Variants in RNF170 observed in about 807,000 individuals in gnomAD.
The protein encoded by RNF170 is E3 ubiquitin-protein ligase RNF170.
RNF170 carries 12 observed loss-of-function variants against 32.7 expected under a neutral mutation model. That is an observed-to-expected ratio of 0.37 (90% confidence interval 0.24 to 0.60). The LOEUF (loss-of-function observed/expected upper bound fraction) is 0.60. Ranked by LOEUF, RNF170 falls within the 20% of genes least tolerant of loss-of-function variation. The pLI, the probability that RNF170 is intolerant of heterozygous loss-of-function variation, is 0.72. For synonymous variants in RNF170, 91 were observed against 103.6 expected (o/e 0.88, Z 0.74); for missense variants, 212 against 311.2 (o/e 0.68, Z 2.40).
rs766123649 is a variant in RNF170 at position 42,853,515 on chromosome 8, C to G, written c.*2644G>C. ...CCACTGTTCTAGTGGGCAGTTAGAACAGTTGTTTTCCCCGTCTTGTTCCCC... is the reference window on the plus strand; with the variant it reads ...CCACTGTTCTAGTGGGCAGTTAGAAGAGTTGTTTTCCCCGTCTTGTTCCCC... On this transcript the variant is annotated 3_prime_UTR_variant, in exon 7 of 7. Coordinates refer to ENST00000527424, the MANE Select transcript of RNF170 (RefSeq NM_030954.4). 4 of 1,287,016 alleles carry G rather than the reference C, an allele frequency of 3.1e-6. 1 individual carries two copies. The highest frequency in any genetic ancestry group is 5.5e-5 in the East Asian group (1 of 18,028). 79.7% of individuals were successfully genotyped at this position (1,287,016 alleles called of 1,614,324 possible). A position where few individuals can be genotyped will look rare whatever the true frequency, so the allele number is the denominator to read the frequency against.
rs1803052582 is a variant in RNF170 at position 42,854,007 on chromosome 8, A to G, written c.*2152T>C. On this transcript the variant is annotated 3_prime_UTR_variant, in exon 7 of 7. Transcript: ENST00000527424. ...AATGACATCACCATTCCCCCACACC[A>G]AATGTGTAATTGGTAGGAAATGCAT... 7.8e-7 allele frequency: 1 copy of G among 1,287,192 alleles called. No homozygotes were observed. The highest frequency in any genetic ancestry group is 5.5e-5 in the East Asian group (1 of 18,024). 79.7% of individuals were successfully genotyped at this position (1,287,192 alleles called of 1,614,324 possible). A position where few individuals can be genotyped will look rare whatever the true frequency, so the allele number is the denominator to read the frequency against.
chr8:42,873,478 A>T (rs1165199207), intron 3 of RNF170, among the ~76,000 whole-genome samples: 1 of 152,154 alleles, frequency 6.6e-6, no homozygotes, highest in African/African-American at 2.4e-5. Context: ...AACAAACAGG[A>T]GAAAAGTTAG....
At chr8:42,894,087 C>G (rs766073593) in intron 1 of RNF170, among the ~76,000 whole-genome samples, 31 of 152,196 alleles carry the variant, frequency 2.0e-4, no homozygotes, top group Non-Finnish European at 3.8e-4. Flanking sequence ...CCAAGGCTTA[C>G]GTAGAAACTC....
intron 3 of RNF170, among the ~76,000 whole-genome samples, chr8:42,873,515 T>G (rs758526819): frequency 2.0e-5 from 3 of 152,094 alleles, no homozygotes; most frequent in Non-Finnish European, 2.9e-5. Flanking sequence ...ACTAGTTTTG[T>G]TGTTATAACT....
Position 42,853,682 on chromosome 8 carries a change from T to C in RNF170, c.*2477A>G, listed in dbSNP as rs1209256564. The stretch of plus-strand genomic sequence containing the variant: ...CTGAATCACGGAAGTATTACTATGA[T>C]GTTCAAAACTCTGATTGACTCTACT... On this transcript the variant is annotated 3_prime_UTR_variant, in exon 7 of 7. Transcript: ENST00000527424. The C allele has an allele frequency of 7.8e-7, 1 of 1,286,874 alleles. No individual in the cohort carries two copies. Among genetic ancestry groups the C allele is most frequent in the African/African-American group, 1.5e-5 (1 of 65,802 alleles). The allele number at this position is 1,286,874 out of a possible 1,614,324, so 79.7% of individuals were successfully genotyped here.
downstream of RNF170, chr8:42,850,078 G>C (rs866536739): frequency 2.0e-5 from 3 of 153,642 alleles, no homozygotes; most frequent in African/African-American, 7.2e-5. Context: ...GAGGATGCCC[G>C]GCGGAGGAGC....
Position 42,872,455 on chromosome 8 carries a change from T to C in RNF170, c.213+1476A>G, listed in dbSNP as rs534826532. On this transcript the variant is annotated intron_variant, in intron 3 of 6. Transcript: ENST00000527424. ...ACTAATAGGCTTAAACTATTCTGTC[T>C]TTTTTAGACGGAGTCTCACTCTCTG... is the stretch of plus-strand genomic sequence containing the variant. 8.1e-4 allele frequency among the ~76,000 whole-genome samples: 124 copies of C among 152,322 alleles called. 1 individual carries two copies. In the South Asian group the frequency reaches 0.011, roughly 13 times the overall value.
chr8:42,877,505 A>C (rs929944142), intron 2 of RNF170, among the ~76,000 whole-genome samples: 3 of 152,186 alleles, frequency 2.0e-5, no homozygotes, highest in African/African-American at 7.2e-5. Context: ...TAACAAGCCA[A>C]ACTGATTGAG....
intron 5 of RNF170, 104 bp from the exon 6 acceptor site, chr8:42,861,959 T>C: frequency 7.9e-7 from 1 of 1,268,312 alleles, no homozygotes; most frequent in East Asian, 2.6e-5. Flanking sequence ...TATATTTATA[T>C]TTCACTCATT....
At chr8:42,883,011 C>T (rs1267227290) in intron 2 of RNF170, among the ~76,000 whole-genome samples, 1 of 151,616 alleles carries the variant, frequency 6.6e-6, no homozygotes, top group Non-Finnish European at 1.5e-5. Flanking sequence ...TGCAGTGAGA[C>T]AAGATGGTGC....
chr8:42,875,104 G>C (rs773121284), intron 2 of RNF170, among the ~76,000 whole-genome samples: 30 of 152,008 alleles, frequency 2.0e-4, no homozygotes, highest in Non-Finnish European at 3.1e-4. Context: ...CCCGGAGGTG[G>C]AGGTTGCGGT....
In RNF170 at chr8:42,896,475, C is replaced by G. The variant is rs1193893715; in HGVS notation, c.-8+9G>C. ...TAGGGTGGGCGTGGCCGCCGCGCGC[C>G]GGACGTACCTCTCCACCGCGAAGGA... On this transcript the variant is annotated intron_variant, in intron 1 of 6. Transcript: ENST00000527424. 6.6e-6 allele frequency: 3 copies of G among 453,846 alleles called. No homozygotes were observed. The highest frequency in any genetic ancestry group is 1.6e-5 in the South Asian group (1 of 64,456). The allele number at this position is 453,846 out of a possible 1,614,324, so 28.1% of individuals were successfully genotyped here. A position where few individuals can be genotyped will look rare whatever the true frequency, so the allele number is the denominator to read the frequency against.
chr8:42,892,889 A>C (rs1806427876), intron 1 of RNF170, among the ~76,000 whole-genome samples: 1 of 152,102 alleles, frequency 6.6e-6, no homozygotes, highest in Non-Finnish European at 1.5e-5. Context: ...CGGGAGGCTG[A>C]GGCATGAGAA....
Position 42,853,951 on chromosome 8 carries a change from T to C in RNF170, c.*2208A>G, listed in dbSNP as rs1346465586. 7.8e-7 allele frequency: 1 copy of C among 1,287,180 alleles called. No individual in the cohort carries two copies. 79.7% of individuals were successfully genotyped at this position (1,287,180 alleles called of 1,614,324 possible). A position where few individuals can be genotyped will look rare whatever the true frequency, so the allele number is the denominator to read the frequency against. On this transcript the variant is annotated 3_prime_UTR_variant, in exon 7 of 7. Transcript: ENST00000527424. ...CAGAATTGTGACACTTGGAGCAGAA[T>C]GCATGCACACAAAATAAAATCCTGT...
chr8:42,885,468 T>C (rs1334478890), intron 2 of RNF170, among the ~76,000 whole-genome samples: 1 of 152,212 alleles, frequency 6.6e-6, no homozygotes. Context: ...TTTTAACTTT[T>C]TGAGGAACCT....
intron 5 of RNF170, among the ~76,000 whole-genome samples, chr8:42,863,884 GA>G (rs1383928501): frequency 3.9e-5 from 6 of 151,974 alleles, no homozygotes; most frequent in Non-Finnish European, 7.4e-5. Flanking sequence ...AGAATGGTAA[GA>G]AAATGACTTG....
At chr8:42,886,515 T>C (rs1217403323) in intron 2 of RNF170, among the ~76,000 whole-genome samples, 1 of 152,154 alleles carries the variant, frequency 6.6e-6, no homozygotes, top group East Asian at 1.9e-4. Flanking sequence ...AACCTCTGCC[T>C]CCCAAGTTCA....
Position 42,854,771 on chromosome 8 carries a change from T to C in RNF170, c.*1388A>G. The C allele has an allele frequency of 7.8e-7, 1 of 1,287,414 alleles. No homozygotes were observed. 79.7% of individuals were successfully genotyped at this position (1,287,414 alleles called of 1,614,324 possible). Reference sequence around the variant, plus strand: ...ACTGACTCCTGGGCATCCCCTCACATCCTGCTGTCATACATTCACTAATGA... The same window carrying C: ...ACTGACTCCTGGGCATCCCCTCACACCCTGCTGTCATACATTCACTAATGA... On this transcript the variant is annotated 3_prime_UTR_variant, in exon 7 of 7. Coordinates refer to ENST00000527424, the MANE Select transcript of RNF170 (RefSeq NM_030954.4).
chr8:42,883,188 C>T (rs1167860355), intron 2 of RNF170, among the ~76,000 whole-genome samples: 1 of 152,022 alleles, frequency 6.6e-6, no homozygotes, highest in South Asian at 2.1e-4. Context: ...GAAATACTAC[C>T]TATTGAGTAC....
Sources: allele counts gnomAD v4.1 joint callset (sites outside exome capture counted in the v4.1 genomes callset), GRCh38; gene constraint gnomAD v4.1.1; transcripts MANE v1.5; gene names NCBI Gene and HGNC (gene_info 2026-07-23, HGNC 2026-07-21).